Variants in TMEM132B observed in about 807,000 individuals in gnomAD.
The protein encoded by TMEM132B is transmembrane protein 132B.
Under a neutral mutation model 90.8 loss-of-function variants are expected in TMEM132B, and 18 were observed. The observed-to-expected ratio is 0.20, with a 90% CI of 0.14 to 0.29. The LOEUF (loss-of-function observed/expected upper bound fraction) is 0.29, where lower values mean the gene tolerates loss of function less well. Among genes scored for constraint, TMEM132B ranks in the 10% least tolerant of loss-of-function variants. The pLI, the probability that TMEM132B is intolerant of heterozygous loss-of-function variation, is 1.00. For missense variants in TMEM132B, 1,096 were observed against 1,326.8 expected (o/e 0.83, Z 2.70); for synonymous variants, 504 against 523.3 (o/e 0.96, Z 0.50).
intron 2 of TMEM132B, among the ~76,000 whole-genome samples, chr12:125,374,152 G>A (rs1475003309): frequency 6.6e-6 from 1 of 152,236 alleles, no homozygotes; most frequent in Non-Finnish European, 1.5e-5. Flanking sequence ...CTCCTTGGCA[G>A]ATGTGTGACA....
At chr12:125,594,286 T>C (rs925404797) in intron 5 of TMEM132B, among the ~76,000 whole-genome samples, 1 of 152,252 alleles carries the variant, frequency 6.6e-6, no homozygotes, top group African/African-American at 2.4e-5. Context: ...AATATATCAC[T>C]GTTTATCAAT....
At chr12:125,255,047 C>G (rs1335604863) in intron 1 of TMEM132B, among the ~76,000 whole-genome samples, 1 of 152,178 alleles carries the variant, frequency 6.6e-6, no homozygotes, top group Non-Finnish European at 1.5e-5. Flanking sequence ...CTCTCCTCCT[C>G]TTTGATTTGA....
At chr12:125,384,349 A>G (rs1319010393) in intron 2 of TMEM132B, among the ~76,000 whole-genome samples, 1 of 152,232 alleles carries the variant, frequency 6.6e-6, no homozygotes, top group African/African-American at 2.4e-5. Flanking sequence ...ATATTCTGAA[A>G]ACACTTATTT....
At chr12:125,453,940 G>A (rs1881221973) in intron 3 of TMEM132B, among the ~76,000 whole-genome samples, 1 of 152,118 alleles carries the variant, frequency 6.6e-6, no homozygotes, top group South Asian at 2.1e-4. Flanking sequence ...TGTTTGGGCA[G>A]CTTGTCCTAA....
intron 3 of TMEM132B, among the ~76,000 whole-genome samples, chr12:125,446,603 G>A (rs1215383033): frequency 6.6e-6 from 1 of 152,052 alleles, no homozygotes. Context: ...ATGTATTTTA[G>A]GGTTGCTGGG....
intron 3 of TMEM132B, among the ~76,000 whole-genome samples, chr12:125,425,636 C>G (rs909831584): frequency 1.3e-5 from 2 of 152,228 alleles, no homozygotes; most frequent in African/African-American, 2.4e-5. Flanking sequence ...CTGGCAACCA[C>G]TGATCTTTTT....
At chr12:125,344,658 G>A (rs1272126415) in intron 1 of TMEM132B, among the ~76,000 whole-genome samples, 1 of 152,134 alleles carries the variant, frequency 6.6e-6, no homozygotes, top group African/African-American at 2.4e-5. Flanking sequence ...GAACACACGT[G>A]GAAGGAGAGA....
intron 4 of TMEM132B, among the ~76,000 whole-genome samples, chr12:125,547,941 C>A: frequency 6.6e-6 from 1 of 152,244 alleles, no homozygotes; most frequent in East Asian, 1.9e-4. Context: ...CTGAGCTATG[C>A]TTTCCTGCTG....
At chr12:125,286,894 G>C (rs1875372263) in intron 1 of TMEM132B, among the ~76,000 whole-genome samples, 1 of 152,062 alleles carries the variant, frequency 6.6e-6, no homozygotes, top group Admixed American at 6.6e-5. Context: ...GTAGAGACGA[G>C]GTTTCACCAT....
chr12:125,192,176 A>G (rs560088995), intron 1 of TMEM132B, among the ~76,000 whole-genome samples: 1 of 152,248 alleles, frequency 6.6e-6, no homozygotes, highest in Non-Finnish European at 1.5e-5. Flanking sequence ...AACAACCCTA[A>G]TGGGGTAGGG....
chr12:125,288,866 G>T (rs146581514), intron 1 of TMEM132B, among the ~76,000 whole-genome samples: 231 of 152,222 alleles, frequency 1.5e-3, no homozygotes, highest in Middle Eastern at 0.01. Flanking sequence ...CTCACAGTGG[G>T]GTGCTGGGTG....
rs529085631 is a variant in TMEM132B at position 125,355,125 on chromosome 12, G to T, written c.959+4782G>T. ...TTTATTCACTACTAAAGCTCTCTGG[G>T]TCAGCATTTAGATTACTTATTAAGC... On this transcript the variant is annotated intron_variant, in intron 2 of 8. Transcript: ENST00000682704. 7.2e-5 allele frequency among the ~76,000 whole-genome samples: 11 copies of T among 151,976 alleles called. No homozygotes were observed. In the South Asian group the frequency reaches 2.3e-3, roughly 32 times the overall value.
chr12:125,219,193 G>C (rs1873505987), intron 1 of TMEM132B, among the ~76,000 whole-genome samples: 1 of 152,080 alleles, frequency 6.6e-6, no homozygotes, highest in South Asian at 2.1e-4. Flanking sequence ...GGTTTCTGGT[G>C]GCATCTCAGG....
chr12:125,314,126 G>C (rs1401316106), intron 1 of TMEM132B, among the ~76,000 whole-genome samples: 1 of 152,194 alleles, frequency 6.6e-6, no homozygotes, highest in African/African-American at 2.4e-5. Context: ...GCTTAGCTGA[G>C]TGTGTGCAGG....
chr12:125,534,534 A>T (rs376016648), intron 4 of TMEM132B, among the ~76,000 whole-genome samples: 7 of 152,138 alleles, frequency 4.6e-5, no homozygotes, highest in African/African-American at 1.2e-4. Flanking sequence ...CCACCCCACA[A>T]CCAAAACCAA....
chr12:125,575,007 C>A (rs1884901503), intron 4 of TMEM132B, among the ~76,000 whole-genome samples: 1 of 135,270 alleles, frequency 7.4e-6, no homozygotes. Context: ...AACACTAATT[C>A]TAGAATATTT....
intron 2 of TMEM132B, among the ~76,000 whole-genome samples, chr12:125,379,455 C>A (rs1228077006): frequency 6.6e-6 from 1 of 152,184 alleles, no homozygotes; most frequent in East Asian, 1.9e-4. Flanking sequence ...AACCAACAAG[C>A]AACAGCAGAT....
At chr12:125,638,454 A>T (rs1886543569) in intron 5 of TMEM132B, among the ~76,000 whole-genome samples, 1 of 152,218 alleles carries the variant, frequency 6.6e-6, no homozygotes, top group Non-Finnish European at 1.5e-5. Context: ...ACACTTCACT[A>T]AACTCAGTAA....
chr12:125,374,963 A>G (rs1168308240), intron 2 of TMEM132B, among the ~76,000 whole-genome samples: 2 of 152,154 alleles, frequency 1.3e-5, no homozygotes, highest in African/African-American at 2.4e-5. Flanking sequence ...CAACATTTCC[A>G]TCACTGAGCA....
Sources: allele counts gnomAD v4.1 joint callset (sites outside exome capture counted in the v4.1 genomes callset), GRCh38; gene constraint gnomAD v4.1.1; transcripts MANE v1.5; gene names NCBI Gene and HGNC (gene_info 2026-07-23, HGNC 2026-07-21).